Variants in SPICE1 observed in about 807,000 individuals in gnomAD.
SPICE1 encodes spindle and centriole-associated protein 1.
A neutral mutation model predicts 102.7 loss-of-function variants in SPICE1; 75 were observed. That is an observed-to-expected ratio of 0.73 (90% CI 0.61 to 0.88). The LOEUF (loss-of-function observed/expected upper bound fraction) is 0.88, where lower values mean the gene tolerates loss of function less well. Ranked by LOEUF, SPICE1 falls within the 40% of genes least tolerant of loss-of-function variation. SPICE1 has a pLI of 0.00. For missense variants in SPICE1, 979 were observed against 1,020.1 expected (o/e 0.96, Z 0.55); for synonymous variants, 308 against 350.3 (o/e 0.88, Z 1.35).
chr3:113,494,727 TAAAA>T (rs754831030), intron 4 of SPICE1, among the ~76,000 whole-genome samples: 1 of 152,036 alleles, frequency 6.6e-6, no homozygotes, highest in South Asian at 2.1e-4. Context: ...TTTAATTAAA[TAAAA>T]AGTTAATTAA....
At chr3:113,464,564 C>A (rs1936008061) in intron 11 of SPICE1, among the ~76,000 whole-genome samples, 1 of 152,026 alleles carries the variant, frequency 6.6e-6, no homozygotes, top group Non-Finnish European at 1.5e-5. Context: ...CCTATATTAT[C>A]AATTTTAAAA....
chr3:113,474,760 A>G (rs1205387249), intron 7 of SPICE1, among the ~76,000 whole-genome samples: 1 of 152,214 alleles, frequency 6.6e-6, no homozygotes, highest in Non-Finnish European at 1.5e-5. Flanking sequence ...GACACAACAT[A>G]CCAGAATCTC....
intron 4 of SPICE1, among the ~76,000 whole-genome samples, chr3:113,495,810 T>C (rs983744227): frequency 9.2e-5 from 14 of 152,222 alleles, no homozygotes; most frequent in Admixed American, 2.6e-4. Context: ...ATAATAATTT[T>C]AAGAGTTTAC....
At chr3:113,485,627 G>C (rs1936629347) in intron 7 of SPICE1, among the ~76,000 whole-genome samples, 2 of 152,190 alleles carry the variant, frequency 1.3e-5, no homozygotes, top group African/African-American at 4.8e-5. Context: ...GAGCACCTGG[G>C]AGAAGGGGCG....
chr3:113,460,587 G>A (rs1329766333), intron 12 of SPICE1, 30 bp downstream of exon 12: 1 of 1,576,946 alleles, frequency 6.3e-7, no homozygotes, highest in Non-Finnish European at 8.6e-7. Flanking sequence ...GTAGTCTAAT[G>A]ACAGTCTGAG....
Position 113,514,986 on chromosome 3 carries a change from C to A in SPICE1, c.-90G>T. The A allele has an allele frequency of 2.0e-6, 1 of 488,954 alleles. No individual in the cohort carries two copies. Among genetic ancestry groups the A allele is most frequent in the Non-Finnish European group, 3.2e-6 (1 of 315,030 alleles). The allele number at this position is 488,954 out of a possible 1,614,324, so 30.3% of individuals were successfully genotyped here. A position where few individuals can be genotyped will look rare whatever the true frequency, so the allele number is the denominator to read the frequency against. On this transcript the variant is annotated 5_prime_UTR_variant, in exon 1 of 18. Coordinates refer to ENST00000295872, the MANE Select transcript of SPICE1 (RefSeq NM_144718.4). ...CTGGATCCCAGGCAACAGACAGATG[C>A]CACCACCGTTCTCCCCACCCTTTTG... is the stretch of plus-strand genomic sequence containing the variant.
At chr3:113,447,368 C>T (rs1287710175) in intron 16 of SPICE1, among the ~76,000 whole-genome samples, 2 of 152,140 alleles carry the variant, frequency 1.3e-5, no homozygotes, top group Non-Finnish European at 2.9e-5. Context: ...AAATCTATTA[C>T]AACAGATGAT....
chr3:113,473,234 G>GA (rs1196828258), intron 7 of SPICE1, among the ~76,000 whole-genome samples: 1 of 152,156 alleles, frequency 6.6e-6, no homozygotes, highest in Non-Finnish European at 1.5e-5. Flanking sequence ...GAAGTTTACA[G>GA]AAAAAAGAAT....
At chr3:113,453,440 C>T (rs745582146) in intron 14 of SPICE1, 26 bp downstream of exon 14, 9 of 1,565,192 alleles carry the variant, frequency 5.8e-6, no homozygotes, top group Non-Finnish European at 5.2e-6. Context: ...CTATATGTCC[C>T]TAATCAATCC....
chr3:113,442,986 G>A lies in SPICE1; in HGVS notation c.*2321C>T, dbSNP rs1466583026. 1 of 152,112 alleles carries A rather than the reference G, an allele frequency of 6.6e-6. No individual in the cohort carries two copies. Among genetic ancestry groups the A allele is most frequent in the Non-Finnish European group, 1.5e-5 (1 of 68,020 alleles). 9.4% of individuals were successfully genotyped at this position (152,112 alleles called of 1,614,324 possible). ...TCAATCTCTAGACATCTTTTCAGGT[G>A]AAATACCTCTAAATTTCAAGCACTG... is the stretch of plus-strand genomic sequence containing the variant. On this transcript the variant is annotated 3_prime_UTR_variant, in exon 18 of 18. Coordinates refer to ENST00000295872, the MANE Select transcript of SPICE1 (RefSeq NM_144718.4).
intron 2 of SPICE1, among the ~76,000 whole-genome samples, chr3:113,505,457 G>A (rs960271233): frequency 6.6e-6 from 1 of 152,138 alleles, no homozygotes; most frequent in Non-Finnish European, 1.5e-5. Context: ...AGTTTGCCCA[G>A]GATATCTGGC....
In SPICE1 at chr3:113,509,071, C is replaced by A. The variant is rs144234767; in HGVS notation, c.1-2466G>T. Among the ~76,000 whole-genome samples the A allele has an allele frequency of 5.6e-3, 849 of 152,116 alleles. 8 individuals are homozygous for A. The highest frequency in any genetic ancestry group is 0.019 in the African/African-American group (771 of 41,520). On this transcript the variant is annotated intron_variant, in intron 1 of 17. Transcript: ENST00000295872. ...AGAGACATAGATTAGTGATTGCCAG[C>A]ATCTAGAGGGAGCATATAATGGAGA... is the stretch of plus-strand genomic sequence containing the variant.
At chr3:113,461,561 A>T (rs960443232) in intron 11 of SPICE1, among the ~76,000 whole-genome samples, 3 of 152,178 alleles carry the variant, frequency 2.0e-5, no homozygotes, top group Non-Finnish European at 4.4e-5. Flanking sequence ...TAAAAACATC[A>T]GGTTTGATCA....
In SPICE1 at chr3:113,493,255, TG is replaced by T. The variant is rs752926634; in HGVS notation, c.442del (p.Gln148LysfsTer14). On this transcript the variant is annotated frameshift_variant, in exon 6 of 18. Transcript: ENST00000295872. LOFTEE classifies it high-confidence loss of function. ...DSSQGPIVVN[Q>X]DPITQSIFNE... ...AAAGATAGATTGGGTGATAGGGTCTTGATTTACCACAATGGGACCCTGAGAG... is the reference window on the plus strand; with the variant it reads ...AAAGATAGATTGGGTGATAGGGTCTTATTTACCACAATGGGACCCTGAGAG... 6.2e-7 allele frequency: 1 copy of T among 1,613,498 alleles called. No homozygotes were observed. Among genetic ancestry groups the T allele is most frequent in the South Asian group, 1.1e-5 (1 of 91,000 alleles).
At chr3:113,514,873 C>T (rs1299847793) in intron 1 of SPICE1, 24 bp downstream of exon 1, 1 of 1,213,622 alleles carries the variant, frequency 8.2e-7, no homozygotes, top group African/African-American at 1.6e-5. Flanking sequence ...ACAAACATAC[C>T]CAGACACGCA....
chr3:113,459,144 T>G (rs975772081), intron 12 of SPICE1, among the ~76,000 whole-genome samples: 1 of 152,152 alleles, frequency 6.6e-6, no homozygotes, highest in African/African-American at 2.4e-5. Flanking sequence ...CTGAAATACG[T>G]GCTGTGTCCA....
chr3:113,479,401 G>A (rs1187457477), intron 7 of SPICE1, among the ~76,000 whole-genome samples: 11 of 151,752 alleles, frequency 7.2e-5, no homozygotes, highest in Admixed American at 7.2e-4. Context: ...TTGGTTCCAA[G>A]TCTTTGCTAT....
At chr3:113,474,088 G>A (rs1936276758) in intron 7 of SPICE1, among the ~76,000 whole-genome samples, 2 of 151,714 alleles carry the variant, frequency 1.3e-5, no homozygotes, top group South Asian at 4.2e-4. Context: ...AAGGATGGAG[G>A]AAGATCTACC....
At chr3:113,460,526 T>G (rs2107455275) in intron 12 of SPICE1, 91 bp downstream of exon 12, 2 of 1,500,054 alleles carry the variant, frequency 1.3e-6, no homozygotes, top group East Asian at 4.6e-5. Flanking sequence ...AGTCAATAAG[T>G]CTATATAAGT....
Sources: allele counts gnomAD v4.1 joint callset (sites outside exome capture counted in the v4.1 genomes callset), GRCh38; gene constraint gnomAD v4.1.1; transcripts MANE v1.5; gene names NCBI Gene and HGNC (gene_info 2026-07-23, HGNC 2026-07-21).